The following STK32B variants were observed in gnomAD, a reference collection of about 807,000 sequenced individuals.
STK32B encodes the protein serine/threonine-protein kinase 32B.
STK32B carries 43 observed loss-of-function variants against 52.6 expected under a neutral mutation model. That is an observed-to-expected ratio of 0.82 (90% CI 0.64 to 1.05). The LOEUF (loss-of-function observed/expected upper bound fraction) is 1.05. Among genes scored for constraint, STK32B ranks in the 50% least tolerant of loss-of-function variants. STK32B has a pLI of 0.00. For synonymous variants in STK32B, 238 were observed against 204.3 expected, an observed-to-expected ratio of 1.17 and a Z score of -1.41; for missense variants, 621 against 534.6, an observed-to-expected ratio of 1.16 and a Z score of -1.59.
intron 3 of STK32B, among the ~76,000 whole-genome samples, chr4:5,226,666 G>T (rs568862975): frequency 6.6e-6 from 1 of 152,104 alleles, no homozygotes; most frequent in African/African-American, 2.4e-5. Flanking sequence ...CTTAATAACG[G>T]CCCCAAAGCA....
chr4:5,453,546 G>C lies in STK32B; in HGVS notation c.667-3261G>C, dbSNP rs749253750. ...TTTGCACCTCCTTTTCAGGGTAGGGGTGGGACTGTTTTGGGCAGAACTGTT... is the reference window on the plus strand; with the variant it reads ...TTTGCACCTCCTTTTCAGGGTAGGGCTGGGACTGTTTTGGGCAGAACTGTT... On this transcript the variant is annotated intron_variant, in intron 7 of 11. Coordinates refer to ENST00000282908, the MANE Select transcript of STK32B (RefSeq NM_018401.3). The surrounding 1 kb of genome is among the most constrained non-coding windows in gnomAD (Gnocchi z 4.0). 6.6e-6 allele frequency among the ~76,000 whole-genome samples: 1 copy of C among 152,040 alleles called. No homozygotes were observed. The highest frequency in any genetic ancestry group is 1.5e-5 in the Non-Finnish European group (1 of 68,024).
rs148863982 is a variant in STK32B, at chr4:5,288,313, AC to A, written c.261-42906del. On this transcript the variant is annotated intron_variant, in intron 3 of 11. Coordinates refer to ENST00000282908, the MANE Select transcript of STK32B (RefSeq NM_018401.3). Reference sequence around the variant, plus strand: ...TTTGTTTAACATGAAGAATTGCCAGACTTTTCTGACTGTTTTTACAGTGGTT... The same window carrying A: ...TTTGTTTAACATGAAGAATTGCCAGATTTTCTGACTGTTTTTACAGTGGTT... Among the ~76,000 whole-genome samples, 3 of 152,282 alleles carry A rather than the reference AC, an allele frequency of 2.0e-5. No homozygotes were observed. In the East Asian group the frequency reaches 5.8e-4, roughly 29 times the overall value.
In STK32B at chr4:5,180,907, CTTG is replaced by C. The variant is rs539597613; in HGVS notation, c.260+12462_260+12464del. ...GGAGTTGTCAAGTGCAATATTTTCA[CTTG>C]TTGTATTGCAAAGCTGTTTTACTCT... On this transcript the variant is annotated intron_variant, in intron 3 of 11. Coordinates refer to ENST00000282908, the MANE Select transcript of STK32B (RefSeq NM_018401.3). Among the ~76,000 whole-genome samples, 325 of 152,284 alleles carry C rather than the reference CTTG, an allele frequency of 2.1e-3. 1 individual carries two copies. The highest frequency in any genetic ancestry group is 7.4e-3 in the African/African-American group (306 of 41,568).
rs558070733 is a variant in STK32B, at chr4:5,151,104, T to C, written c.108+11144T>C. 5.3e-5 allele frequency among the ~76,000 whole-genome samples: 8 copies of C among 152,328 alleles called. No homozygotes were observed. In the South Asian group the frequency reaches 1.7e-3, roughly 32 times the overall value. ...AATTTAATGGATCTTTTGAGAAATA[T>C]AAGCTTTCTAGAAGGTCTATTTCTA... On this transcript the variant is annotated intron_variant, in intron 2 of 11. Coordinates refer to ENST00000282908, the MANE Select transcript of STK32B (RefSeq NM_018401.3).
intron 6 of STK32B, among the ~76,000 whole-genome samples, chr4:5,431,527 C>G (rs1713581868): frequency 6.7e-6 from 1 of 149,254 alleles, no homozygotes; most frequent in Non-Finnish European, 1.5e-5. Flanking sequence ...TTTTTATTTA[C>G]TAGTTGAATT....
At chr4:5,264,726 G>T (rs1726950867) in intron 3 of STK32B, among the ~76,000 whole-genome samples, 1 of 152,098 alleles carries the variant, frequency 6.6e-6, no homozygotes, top group African/African-American at 2.4e-5. Flanking sequence ...GGCGGAGCTT[G>T]CAGTGAGCCA....
At chr4:5,305,648 C>T (rs572417173) in intron 3 of STK32B, among the ~76,000 whole-genome samples, 5 of 151,918 alleles carry the variant, frequency 3.3e-5, no homozygotes, top group Non-Finnish European at 7.4e-5. Flanking sequence ...TTCAAAGAAC[C>T]AGCTTTTAGT....
At chr4:5,239,869 C>T (rs1355920449) in intron 3 of STK32B, among the ~76,000 whole-genome samples, 1 of 151,926 alleles carries the variant, frequency 6.6e-6, no homozygotes, top group Non-Finnish European at 1.5e-5. Context: ...ACTACTTGAT[C>T]GGTTCCAAAT....
intron 5 of STK32B, among the ~76,000 whole-genome samples, chr4:5,405,193 C>T (rs927778834): frequency 2.0e-5 from 3 of 151,772 alleles, no homozygotes; most frequent in African/African-American, 7.3e-5. Context: ...GGCTTCCTAG[C>T]ACGGGACCCA....
intron 11 of STK32B, among the ~76,000 whole-genome samples, chr4:5,472,377 G>A (rs1265588064): frequency 2.0e-5 from 3 of 152,170 alleles, no homozygotes; most frequent in East Asian, 1.9e-4. Flanking sequence ...TAAAATTAGC[G>A]CTGCCTACTT....
intron 3 of STK32B, among the ~76,000 whole-genome samples, chr4:5,282,432 C>T (rs935623025): frequency 2.6e-5 from 4 of 152,098 alleles, no homozygotes; most frequent in Admixed American, 2.0e-4. Context: ...CTAAATTAGG[C>T]ACAGTAAGAA....
intron 3 of STK32B, among the ~76,000 whole-genome samples, chr4:5,199,347 A>G (rs1721942099): frequency 6.6e-6 from 1 of 152,188 alleles, no homozygotes; most frequent in Non-Finnish European, 1.5e-5. Context: ...TATTGTAATG[A>G]ATATGTTAAG....
intron 3 of STK32B, among the ~76,000 whole-genome samples, chr4:5,218,622 A>G (rs1212198165): frequency 6.6e-6 from 1 of 152,168 alleles, no homozygotes; most frequent in East Asian, 1.9e-4. Flanking sequence ...TCAAGTGCTA[A>G]TTCCTTTTAC....
intron 1 of STK32B, among the ~76,000 whole-genome samples, chr4:5,086,681 AAC>A (rs1251238013): frequency 6.6e-6 from 1 of 152,196 alleles, no homozygotes; most frequent in African/African-American, 2.4e-5. Context: ...GTCACAGTTA[AAC>A]ACAGAATTTT....
chr4:5,110,272 CAA>C (rs367760309), intron 1 of STK32B, among the ~76,000 whole-genome samples: 4,115 of 106,674 alleles, frequency 0.039, 86 homozygotes, highest in African/African-American at 0.076. Context: ...CATATGGAAC[CAA>C]AAAAAAAAAA....
chr4:5,314,312 A>T (rs1353017446), intron 3 of STK32B, among the ~76,000 whole-genome samples: 1 of 152,208 alleles, frequency 6.6e-6, no homozygotes, highest in African/African-American at 2.4e-5. Context: ...TTCTTCAACA[A>T]ATAGTAATTG....
At position 5,467,138 on chromosome 4, in the gene STK32B, A is replaced by AG. The variant is rs5855855; in HGVS notation, c.1041+307dup. Reference sequence around the variant, plus strand: ...AAGATTTTGTACCGCAGAGGCCCCCAGGGCTGCACGATGACTTTTGTGGGT... The same window carrying AG: ...AAGATTTTGTACCGCAGAGGCCCCCAGGGGCTGCACGATGACTTTTGTGGGT... On this transcript the variant is annotated intron_variant, in intron 10 of 11. Coordinates refer to ENST00000282908, the MANE Select transcript of STK32B (RefSeq NM_018401.3). The surrounding 1 kb of genome is among the most constrained non-coding windows in gnomAD (Gnocchi z 5.8). 0.41 allele frequency among the ~76,000 whole-genome samples: 62,128 copies of AG among 151,976 alleles called. 13,280 individuals are homozygous for AG. The highest frequency in any genetic ancestry group is 0.48 in the Non-Finnish European group (32,349 of 67,956).
chr4:5,025,569 G>A, the STK32B span, among the ~76,000 whole-genome samples: 4 of 152,152 alleles, frequency 2.6e-5, no homozygotes, highest in Non-Finnish European at 4.4e-5. Context: ...CAGTGTCTCC[G>A]AAAGTCCCCC....
chr4:5,317,254 CATATAACAT>C (rs1731088906), intron 3 of STK32B, among the ~76,000 whole-genome samples: 2 of 17,686 alleles, frequency 1.1e-4, no homozygotes, highest in Non-Finnish European at 1.5e-4. Context: ...TTATATATAA[CATATAACAT>C]ATATATAATA....
Sources: allele counts gnomAD v4.1 joint callset (sites outside exome capture counted in the v4.1 genomes callset), GRCh38; gene constraint gnomAD v4.1.1; non-coding constraint Gnocchi (gnomAD v3.1); transcripts MANE v1.5; gene names NCBI Gene and HGNC (gene_info 2026-07-23, HGNC 2026-07-21).